The following NPNT variants were observed in gnomAD, a reference collection of about 807,000 sequenced individuals.
The protein encoded by NPNT is preosteoblast EGF-like repeat protein with MAM domain.
NPNT carries 45 observed loss-of-function variants against 68.6 expected under a neutral mutation model. The observed-to-expected ratio is 0.66, with a 90% CI of 0.52 to 0.84. The LOEUF (loss-of-function observed/expected upper bound fraction) is 0.84. Among genes scored for constraint, NPNT ranks in the 40% least tolerant of loss-of-function variants. The pLI, the probability that NPNT is intolerant of heterozygous loss-of-function variation, is 0.00. For synonymous variants in NPNT, 233 were observed against 253.3 expected, an observed-to-expected ratio of 0.92 and a Z score of 0.76; for missense variants, 672 against 714.8, an observed-to-expected ratio of 0.94 and a Z score of 0.68.
At chr4:105,897,664 T>C (rs1175651616) in intron 1 of NPNT, among the ~76,000 whole-genome samples, 3 of 152,208 alleles carry the variant, frequency 2.0e-5, no homozygotes, top group Non-Finnish European at 2.9e-5. Context: ...TCCCTCCCGT[T>C]TTTTCTCCTA....
intron 3 of NPNT, among the ~76,000 whole-genome samples, chr4:105,933,344 T>C (rs1729268242): frequency 6.6e-6 from 1 of 152,190 alleles, no homozygotes; most frequent in African/African-American, 2.4e-5. Flanking sequence ...AGGAAAATAA[T>C]GTGGTAGCAT....
In NPNT at chr4:105,967,332, T is replaced by C; in HGVS notation, c.1490T>C (p.Leu497Pro). 1 of 1,611,718 alleles carries C rather than the reference T, an allele frequency of 6.2e-7. No individual in the cohort carries two copies. The highest frequency in any genetic ancestry group is 8.5e-7 in the Non-Finnish European group (1 of 1,178,896). Residue 497 changes from leucine (L) to proline (P), a missense_variant, in exon 11 of 12, where the codon CTC becomes CCC. Coordinates refer to ENST00000379987, the MANE Select transcript of NPNT (RefSeq NM_001033047.3). ...GTGACGGGGCTGCACTCTGGCACACTCCAGGTGTTTGTGAGAAAACACGGT... is the reference window on the plus strand; with the variant it reads ...GTGACGGGGCTGCACTCTGGCACACCCCAGGTGTTTGTGAGAAAACACGGT... ...HKVTGLHSGT[L>P]QVFVRKHGAH...
chr4:105,939,289 TG>T, intron 5 of NPNT, among the ~76,000 whole-genome samples: 1 of 152,240 alleles, frequency 6.6e-6, no homozygotes, highest in Middle Eastern at 3.4e-3. Context: ...TCATTAGCCA[TG>T]TGAAGAAACA....
chr4:105,953,843 G>A (rs141122323), intron 8 of NPNT, among the ~76,000 whole-genome samples: 241 of 152,288 alleles, frequency 1.6e-3, no homozygotes, highest in African/African-American at 5.5e-3. Flanking sequence ...ACTGGCCTGG[G>A]TAATGCCATA....
At chr4:105,963,049 A>AC in intron 10 of NPNT, among the ~76,000 whole-genome samples, 2 of 152,190 alleles carry the variant, frequency 1.3e-5, no homozygotes, top group Middle Eastern at 3.4e-3. Context: ...ACATAGTGAA[A>AC]CCCCGTCTTT....
At chr4:105,924,007 T>A (rs1336968753) in intron 2 of NPNT, among the ~76,000 whole-genome samples, 1 of 151,966 alleles carries the variant, frequency 6.6e-6, no homozygotes, top group African/African-American at 2.4e-5. Flanking sequence ...GAGAACACTT[T>A]GCACTCACTA....
At chr4:105,968,518 C>T (rs749138179) in intron 11 of NPNT, among the ~76,000 whole-genome samples, 33 of 152,240 alleles carry the variant, frequency 2.2e-4, no homozygotes, top group Non-Finnish European at 4.0e-4. Context: ...TTAAGATAGG[C>T]TGTGTGATTA....
chr4:105,968,423 C>T (rs143587800), intron 11 of NPNT, among the ~76,000 whole-genome samples: 82 of 152,244 alleles, frequency 5.4e-4, no homozygotes, highest in Admixed American at 1.4e-3. Context: ...ATAGGTAAAG[C>T]AACAGTGTGA....
chr4:105,971,237 T>C lies in NPNT; in HGVS notation c.*2247T>C, dbSNP rs1226965498. 1 of 444,808 alleles carries C rather than the reference T, an allele frequency of 2.2e-6. No homozygotes were observed. Among genetic ancestry groups the C allele is most frequent in the South Asian group, 1.6e-5 (1 of 62,854 alleles). The allele number at this position is 444,808 out of a possible 1,614,324, so 27.6% of individuals were successfully genotyped here. On this transcript the variant is annotated 3_prime_UTR_variant, in exon 12 of 12. Transcript: ENST00000379987. ...TGCCCCACACCGGCAGACCTTTCCT[T>C]CACCTCATCAGTATGATTCAGTTTC...
chr4:105,915,476 G>C (rs1727734201), intron 2 of NPNT, among the ~76,000 whole-genome samples: 1 of 152,052 alleles, frequency 6.6e-6, no homozygotes, highest in Non-Finnish European at 1.5e-5. Flanking sequence ...CTTCTTTTTT[G>C]ATAAAATGTA....
intron 2 of NPNT, among the ~76,000 whole-genome samples, chr4:105,902,526 T>A (rs999223816): frequency 1.3e-5 from 2 of 152,194 alleles, no homozygotes; most frequent in African/African-American, 4.8e-5. Context: ...CCTCCTCTAA[T>A]TTTGAGGTGA....
In NPNT at chr4:105,942,433, C is replaced by T. The variant is rs899234227; in HGVS notation, c.890C>T (p.Pro297Leu). ...GATGTTGGAAGTACTTGGTGGCCTC[C>T]GAAGACACCATATATTCCTCCTATC... ...IPDVGSTWWP[P>L]KTPYIPPIIT... Residue 297 changes from proline to leucine, a missense_variant, in exon 8 of 12, where the codon CCG becomes CTG. Pro to Leu is a moderately conservative substitution (Grantham distance 98, BLOSUM62 -3). Coordinates refer to ENST00000379987, the MANE Select transcript of NPNT (RefSeq NM_001033047.3). 16 of 1,613,722 alleles carry T rather than the reference C, an allele frequency of 9.9e-6. No individual in the cohort carries two copies. Among genetic ancestry groups the T allele is most frequent in the Middle Eastern group, 1.6e-4 (1 of 6,082 alleles).
At position 105,897,929 on chromosome 4, in the gene NPNT, G is replaced by C. The variant is rs1289085237; in HGVS notation, c.100G>C (p.Gly34Arg). 1.5e-5 allele frequency: 24 copies of C among 1,613,248 alleles called. No individual in the cohort carries two copies. The highest frequency in any genetic ancestry group is 1.9e-5 in the Non-Finnish European group (23 of 1,179,528). Residue 34 changes from glycine (G) to arginine (R), a missense_variant, in exon 2 of 12, where the codon GGC becomes CGC. Physicochemically the swap from Gly to Arg is moderately radical, Grantham distance 125. Coordinates refer to ENST00000379987, the MANE Select transcript of NPNT (RefSeq NM_001033047.3). ...RWPRQIVSSI[G>R]LCRYGGRIDC... ...GCCCAGGCAAATAGTGTCATCGATT[G>C]GCCTATGTCGTTATGGTGGGAGGAT...
intron 8 of NPNT, among the ~76,000 whole-genome samples, chr4:105,950,964 C>T (rs550528310): frequency 5.2e-4 from 79 of 152,236 alleles, no homozygotes; most frequent in African/African-American, 1.8e-3. Flanking sequence ...AAGGGGATCT[C>T]GTTAAATTGA....
chr4:105,940,320 G>A lies in NPNT; in HGVS notation c.640+111G>A, dbSNP rs1729836632. ...GGGCAGGGGAGAGTACTGGCGTTAA[G>A]TTAAACCAACAGACATCCAGTTTAA... On this transcript the variant is annotated intron_variant, in intron 6 of 11. Coordinates refer to ENST00000379987, the MANE Select transcript of NPNT (RefSeq NM_001033047.3). The A allele has an allele frequency of 8.3e-6, 10 of 1,199,478 alleles. 1 individual carries two copies. In the East Asian group the frequency reaches 2.3e-4, roughly 28 times the overall value. The allele number at this position is 1,199,478 out of a possible 1,614,324, so 74.3% of individuals were successfully genotyped here.
At chr4:105,953,939 C>G (rs1381231390) in intron 8 of NPNT, among the ~76,000 whole-genome samples, 1 of 152,156 alleles carries the variant, frequency 6.6e-6, no homozygotes. Context: ...TATAGTTACT[C>G]TTGGCAAGAA....
intron 8 of NPNT, among the ~76,000 whole-genome samples, chr4:105,946,221 A>G (rs1044225565): frequency 6.6e-6 from 1 of 152,216 alleles, no homozygotes; most frequent in Admixed American, 6.5e-5. Context: ...GCTACTTCCA[A>G]AAGAAAGGGG....
chr4:105,925,653 A>C (rs1728625599), intron 2 of NPNT, among the ~76,000 whole-genome samples: 1 of 152,154 alleles, frequency 6.6e-6, no homozygotes. Flanking sequence ...AAAATTCGGG[A>C]TCATTGTTGA....
At chr4:105,912,430 TATTAC>T in intron 2 of NPNT, 1 of 485,236 alleles carries the variant, frequency 2.1e-6, no homozygotes, top group Non-Finnish European at 3.4e-6. Context: ...TTAATTCCAT[TATTAC>T]ATTAAACTTT....
Sources: gnomAD v4.1 joint callset for allele counts (sites outside exome capture counted in the v4.1 genomes callset) on GRCh38, gnomAD v4.1.1 for gene constraint, MANE v1.5 for transcripts, NCBI Gene and HGNC (gene_info 2026-07-23, HGNC 2026-07-21) for gene names.